The following ITGB6 variants were observed in gnomAD, a reference collection of about 807,000 sequenced individuals.
ITGB6 encodes the protein integrin beta-6.
Under a neutral mutation model 84.5 loss-of-function variants are expected in ITGB6, and 80 were observed. The ratio of observed to expected loss-of-function variants is 0.95; its 90% CI spans 0.79 to 1.14. The LOEUF is 1.14. ITGB6 is among the 50% of genes most tolerant of loss of function. ITGB6 has a pLI of 0.00. For synonymous variants in ITGB6, 383 were observed against 354.9 expected (o/e 1.08, Z -0.89); for missense variants, 1,006 against 968.0 (o/e 1.04, Z -0.52).
Position 160,138,128 on chromosome 2 carries a change from G to C in ITGB6, c.1179C>G (p.Ile393Met). ...GTTGGAAGAGGGTACCGTTGTTACA[G>C]ATGGCTGTAAATGACAAGTTGAGTC... is the stretch of plus-strand genomic sequence containing the variant. ...TEGLNLSFTA[I>M]CNNGTLFQHQ... The change falls in exon 9 of 15, where the codon ATC becomes ATG. Residue 393 changes from isoleucine (I) to methionine (M), a missense_variant. Physicochemically the swap from Ile to Met is conservative, Grantham distance 10. Transcript: ENST00000283249. 1 of 1,613,966 alleles carries C rather than the reference G, an allele frequency of 6.2e-7. No individual in the cohort carries two copies. Among genetic ancestry groups the C allele is most frequent in the East Asian group, 2.2e-5 (1 of 44,866 alleles).
intron 10 of ITGB6, among the ~76,000 whole-genome samples, chr2:160,131,455 T>C (rs1312563265): frequency 6.6e-6 from 1 of 152,198 alleles, no homozygotes; most frequent in Non-Finnish European, 1.5e-5. Context: ...AGTTGTGAGC[T>C]GTAGCATGTT....
chr2:160,134,120 G>GAT (rs1683598524), intron 10 of ITGB6, among the ~76,000 whole-genome samples: 1 of 152,072 alleles, frequency 6.6e-6, no homozygotes, highest in South Asian at 2.1e-4. Flanking sequence ...CCAGGAGCTG[G>GAT]TTTTTTGAAA....
At chr2:160,173,251 G>A (rs73969108) in intron 5 of ITGB6, among the ~76,000 whole-genome samples, 4,754 of 152,238 alleles carry the variant, frequency 0.031, 200 homozygotes, top group African/African-American at 0.1. Context: ...AGTATGGCCC[G>A]AAGGTCCTGT....
Position 160,200,134 on chromosome 2 carries a change from A to G in ITGB6, c.-71T>C. On this transcript the variant is annotated 5_prime_UTR_variant, in exon 1 of 15. Coordinates refer to ENST00000283249, the MANE Select transcript of ITGB6 (RefSeq NM_000888.5). ...TTCAGCGTTACAAGACCAACGCTGA[A>G]TATCGTTAAAGTCTTTCTTTCTTGA... 1 of 1,182,870 alleles carries G rather than the reference A, an allele frequency of 8.5e-7. No individual in the cohort carries two copies. 73.3% of individuals were successfully genotyped at this position (1,182,870 alleles called of 1,614,324 possible).
At chr2:160,135,121 G>A (rs1225718839) in intron 10 of ITGB6, among the ~76,000 whole-genome samples, 53 of 151,214 alleles carry the variant, frequency 3.5e-4, no homozygotes, top group African/African-American at 1.3e-3. Flanking sequence ...AATTGTCCCT[G>A]TTTGCAGATG....
chr2:160,136,674 G>T (rs577341725), intron 10 of ITGB6, among the ~76,000 whole-genome samples: 2 of 152,176 alleles, frequency 1.3e-5, no homozygotes, highest in South Asian at 2.1e-4. Context: ...ATGATAGATT[G>T]GATTAAGAAA....
At chr2:160,117,886 C>A (rs1682855816) in intron 12 of ITGB6, among the ~76,000 whole-genome samples, 1 of 152,170 alleles carries the variant, frequency 6.6e-6, no homozygotes, top group South Asian at 2.1e-4. Flanking sequence ...ACTACAAACA[C>A]CTCTATGCAA....
At chr2:160,143,864 G>C (rs546800447) in intron 7 of ITGB6, among the ~76,000 whole-genome samples, 12 of 152,108 alleles carry the variant, frequency 7.9e-5, no homozygotes, top group Admixed American at 6.6e-4. Context: ...ATGCATGCAG[G>C]GTGCCCCGGG....
chr2:160,112,004 A>G, intron 13 of ITGB6, 76 bp downstream of exon 13: 1 of 1,452,252 alleles, frequency 6.9e-7, no homozygotes, highest in South Asian at 1.3e-5. Flanking sequence ...CATGCTACCC[A>G]GAGCGATTTT....
intron 7 of ITGB6, among the ~76,000 whole-genome samples, chr2:160,145,950 T>C (rs1364662689): frequency 2.0e-5 from 3 of 152,220 alleles, no homozygotes; most frequent in Non-Finnish European, 4.4e-5. Flanking sequence ...TCGTATTAAC[T>C]GTATCCTTGC....
intron 10 of ITGB6, among the ~76,000 whole-genome samples, chr2:160,130,278 G>T (rs1028732237): frequency 6.6e-6 from 1 of 151,850 alleles, no homozygotes; most frequent in Admixed American, 6.6e-5. Context: ...TGACAAAATC[G>T]TCATTATGTG....
At chr2:160,153,542 A>T (rs1225892670) in intron 7 of ITGB6, among the ~76,000 whole-genome samples, 1 of 152,174 alleles carries the variant, frequency 6.6e-6, no homozygotes, top group African/African-American at 2.4e-5. Flanking sequence ...GGACTTCATG[A>T]CTAAAACACC....
At chr2:160,114,787 C>T (rs1424229946) in intron 12 of ITGB6, among the ~76,000 whole-genome samples, 3 of 152,190 alleles carry the variant, frequency 2.0e-5, no homozygotes, top group African/African-American at 7.2e-5. Context: ...CCTGGAAAAT[C>T]GGGTCACTCC....
At chr2:160,128,176 T>C (rs1186373335) in intron 10 of ITGB6, among the ~76,000 whole-genome samples, 1 of 151,478 alleles carries the variant, frequency 6.6e-6, no homozygotes, top group Non-Finnish European at 1.5e-5. Context: ...TACTAATAAA[T>C]ATACATAGGG....
intron 4 of ITGB6, among the ~76,000 whole-genome samples, chr2:160,190,924 A>G (rs1317505475): frequency 6.6e-6 from 1 of 152,210 alleles, no homozygotes; most frequent in Non-Finnish European, 1.5e-5. Context: ...GATTTTAAAT[A>G]TACCCTCTGG....
chr2:160,180,976 A>G (rs994092572), intron 4 of ITGB6, among the ~76,000 whole-genome samples: 11 of 152,062 alleles, frequency 7.2e-5, no homozygotes, highest in African/African-American at 1.7e-4. Flanking sequence ...CGCTTTTCCC[A>G]TTGTCTTCAC....
chr2:160,150,707 C>T, intron 7 of ITGB6, among the ~76,000 whole-genome samples: 1 of 152,192 alleles, frequency 6.6e-6, no homozygotes, highest in Non-Finnish European at 1.5e-5. Flanking sequence ...ATTCAGGAGA[C>T]ACATTTCACG....
At chr2:160,114,444 G>C (rs904039522) in intron 12 of ITGB6, among the ~76,000 whole-genome samples, 2 of 152,174 alleles carry the variant, frequency 1.3e-5, no homozygotes, top group African/African-American at 2.4e-5. Flanking sequence ...CTCAGAGAAG[G>C]AAGAAATGTG....
In ITGB6 at chr2:160,196,255, G is replaced by A; in HGVS notation, c.307C>T (p.Gln103Ter). Reference sequence around the variant, plus strand: ...AGGATCAAGCTTTGAGGCGCAATCTGAACAATGTCAGAACTATTTTTCTGT... The same window carrying A: ...AGGATCAAGCTTTGAGGCGCAATCTAAACAATGTCAGAACTATTTTTCTGT... ...GRQKNSSDIV[Q>*]IAPQSLILKL... Residue 103 changes from glutamine (Q) to a stop codon, truncating the protein, a stop_gained, in exon 3 of 15, where the codon CAG (glutamine) becomes TAG (stop). Coordinates refer to ENST00000283249, the MANE Select transcript of ITGB6 (RefSeq NM_000888.5). LOFTEE classifies it high-confidence loss of function. The A allele has an allele frequency of 6.2e-7, 1 of 1,614,006 alleles. No homozygotes were observed.
Sources: gnomAD v4.1 joint callset for allele counts (sites outside exome capture counted in the v4.1 genomes callset) on GRCh38, gnomAD v4.1.1 for gene constraint, MANE v1.5 for transcripts, NCBI Gene and HGNC (gene_info 2026-07-23, HGNC 2026-07-21) for gene names.